PRKD1: variants seen among roughly 807,000 people sequenced by gnomAD.
PRKD1 encodes the protein protein kinase D1.
A neutral mutation model predicts 95.9 loss-of-function variants in PRKD1; 63 were observed. That is an observed-to-expected ratio of 0.66 (90% CI 0.54 to 0.81). The LOEUF (loss-of-function observed/expected upper bound fraction) is 0.81, where lower values mean the gene tolerates loss of function less well. Ranked by LOEUF, PRKD1 falls within the 30% of genes least tolerant of loss-of-function variation. PRKD1 has a pLI of 0.00. For synonymous variants in PRKD1, 425 were observed against 423.1 expected (o/e 1.00, Z -0.05); for missense variants, 1,048 against 1,165.3 (o/e 0.90, Z 1.47).
rs563148478 is a variant in PRKD1 at position 29,647,046 on chromosome 14, C to A, written c.697-8142G>T. ...AGCATAAATAAAATCTAATCAACAC[C>A]TTTTCACAACAGTGAAACGGTGGCT... is the stretch of plus-strand genomic sequence containing the variant. On this transcript the variant is annotated intron_variant, in intron 4 of 17. Coordinates refer to ENST00000331968, the MANE Select transcript of PRKD1 (RefSeq NM_002742.3). Among the ~76,000 whole-genome samples, 6 of 152,030 alleles carry A rather than the reference C, an allele frequency of 3.9e-5. No individual in the cohort carries two copies. The South Asian group carries it at 1.2e-3, about 32-fold the overall frequency.
Position 29,923,808 on chromosome 14 carries a change from A to AG in PRKD1, c.264+3440dup, listed in dbSNP as rs1226241118. Among the ~76,000 whole-genome samples the AG allele has an allele frequency of 6.5e-3, 897 of 138,718 alleles. 5 individuals are homozygous for AG. The highest frequency in any genetic ancestry group is 9.9e-3 in the Non-Finnish European group (653 of 65,798). 91.0% of individuals were successfully genotyped at this position (138,718 alleles called of 152,430 possible). A position where few individuals can be genotyped will look rare whatever the true frequency, so the allele number is the denominator to read the frequency against. ...CCTAAAGAGTAACACAGCTCATTTGAGGAAAAAAAAAAAAAAAAAAAAAGT... is the reference window on the plus strand; with the variant it reads ...CCTAAAGAGTAACACAGCTCATTTGAGGGAAAAAAAAAAAAAAAAAAAAAGT... On this transcript the variant is annotated intron_variant, in intron 1 of 17. Coordinates refer to ENST00000331968, the MANE Select transcript of PRKD1 (RefSeq NM_002742.3).
rs190196045 is a variant in PRKD1, at chr14:29,854,857, G to A, written c.264+72392C>T. 1.1e-3 allele frequency among the ~76,000 whole-genome samples: 169 copies of A among 152,270 alleles called. 1 individual carries two copies. The highest frequency in any genetic ancestry group is 3.9e-3 in the African/African-American group (164 of 41,558). On this transcript the variant is annotated intron_variant, in intron 1 of 17. Coordinates refer to ENST00000331968, the MANE Select transcript of PRKD1 (RefSeq NM_002742.3). ...GCCACTCCAGCCATGGCTCAAAGGG[G>A]CCAACAGGGAGCTTGGGCCGTGGCT...
chr14:29,876,406 TG>T (rs1047645561), intron 1 of PRKD1, among the ~76,000 whole-genome samples: 1 of 152,210 alleles, frequency 6.6e-6, no homozygotes, highest in African/African-American at 2.4e-5. Context: ...TATCCTGATT[TG>T]GGTGTATCCT....
intron 1 of PRKD1, among the ~76,000 whole-genome samples, chr14:29,750,810 T>C (rs1887447820): frequency 6.6e-6 from 1 of 152,146 alleles, no homozygotes; most frequent in Admixed American, 6.5e-5. Context: ...TTGAATGAAA[T>C]TATGTTATTT....
chr14:29,912,792 A>T (rs1003210270), intron 1 of PRKD1, among the ~76,000 whole-genome samples: 1 of 152,242 alleles, frequency 6.6e-6, no homozygotes, highest in Non-Finnish European at 1.5e-5. Context: ...ACTATGATAC[A>T]CAGTGTCACC....
intron 4 of PRKD1, chr14:29,657,343 T>C (rs1489023775): frequency 6.6e-6 from 1 of 152,234 alleles, no homozygotes; most frequent in Non-Finnish European, 1.5e-5. Context: ...AAATCAAAAC[T>C]ACAATATAGT....
chr14:29,580,912 G>C (rs1892735491), intron 16 of PRKD1, among the ~76,000 whole-genome samples: 1 of 151,572 alleles, frequency 6.6e-6, no homozygotes, highest in Non-Finnish European at 1.5e-5. Context: ...TAATGATCAA[G>C]CCCTGACCCC....
chr14:29,600,131 C>A (rs1893464755), intron 13 of PRKD1, among the ~76,000 whole-genome samples: 1 of 151,940 alleles, frequency 6.6e-6, no homozygotes. Context: ...TAGGATCATC[C>A]CCAATATTAA....
intron 1 of PRKD1, among the ~76,000 whole-genome samples, chr14:29,877,916 C>T (rs1893358567): frequency 6.6e-6 from 1 of 151,956 alleles, no homozygotes; most frequent in Admixed American, 6.5e-5. Context: ...TCATAAATGG[C>T]CGATTGGATG....
chr14:29,727,315 G>A (rs1454277955), intron 1 of PRKD1, among the ~76,000 whole-genome samples: 1 of 152,040 alleles, frequency 6.6e-6, no homozygotes, highest in Non-Finnish European at 1.5e-5. Context: ...AGATGAGTAG[G>A]TTGCGAAAAT....
At position 29,656,678 on chromosome 14, in the gene PRKD1, T is replaced by G. The variant is rs553441875; in HGVS notation, c.696+7021A>C. On this transcript the variant is annotated intron_variant, in intron 4 of 17. Coordinates refer to ENST00000331968, the MANE Select transcript of PRKD1 (RefSeq NM_002742.3). ...TAAACAGTCTTTATAACTACAGAGA[T>G]ATCTGAGTTGCAAACTACATTTAAT... is the stretch of plus-strand genomic sequence containing the variant. 8.5e-5 allele frequency among the ~76,000 whole-genome samples: 13 copies of G among 152,308 alleles called. No homozygotes were observed. In the South Asian group the frequency reaches 2.5e-3, roughly 29 times the overall value.
In PRKD1 at chr14:29,923,515, T is replaced by C. The variant is rs1439627892; in HGVS notation, c.264+3734A>G. Among the ~76,000 whole-genome samples the C allele has an allele frequency of 2.0e-5, 3 of 152,062 alleles. No individual in the cohort carries two copies. In the East Asian group the frequency reaches 5.8e-4, roughly 29 times the overall value. ...CATCACAACTATTAAGAAAACAATG[T>C]ATAATACAATTAAAGTGAAACAATT... On this transcript the variant is annotated intron_variant, in intron 1 of 17. Coordinates refer to ENST00000331968, the MANE Select transcript of PRKD1 (RefSeq NM_002742.3).
chr14:29,780,084 T>G (rs1013573859), intron 1 of PRKD1, among the ~76,000 whole-genome samples: 1 of 152,194 alleles, frequency 6.6e-6, no homozygotes, highest in Non-Finnish European at 1.5e-5. Flanking sequence ...TGGCTAGCCA[T>G]ATGTAGAAAG....
chr14:29,863,470 T>C (rs1892776967), intron 1 of PRKD1, among the ~76,000 whole-genome samples: 1 of 152,186 alleles, frequency 6.6e-6, no homozygotes. Flanking sequence ...TCGTCAACTC[T>C]AGTTTTTCCT....
intron 1 of PRKD1, among the ~76,000 whole-genome samples, chr14:29,858,893 G>T (rs1190397687): frequency 6.6e-6 from 1 of 152,090 alleles, no homozygotes; most frequent in Non-Finnish European, 1.5e-5. Flanking sequence ...GCACCTATAA[G>T]TGTCTGTAAG....
chr14:29,839,323 C>G (rs771658326), intron 1 of PRKD1, among the ~76,000 whole-genome samples: 7 of 152,182 alleles, frequency 4.6e-5, no homozygotes, highest in African/African-American at 1.7e-4. Context: ...GATCCTGAAG[C>G]ATTTCTTCAA....
chr14:29,726,479 G>A (rs965974638), intron 1 of PRKD1, among the ~76,000 whole-genome samples: 1 of 152,016 alleles, frequency 6.6e-6, no homozygotes, highest in Non-Finnish European at 1.5e-5. Flanking sequence ...TGCAAACTCA[G>A]GGAAAAAGAA....
intron 2 of PRKD1, among the ~76,000 whole-genome samples, chr14:29,714,741 A>C (rs2139365561): frequency 6.6e-6 from 1 of 152,334 alleles, no homozygotes; most frequent in South Asian, 2.1e-4. Context: ...GGATAAAGAA[A>C]ATGTGGCACA....
At chr14:29,610,059 T>A (rs1878347385) in intron 13 of PRKD1, among the ~76,000 whole-genome samples, 1 of 149,924 alleles carries the variant, frequency 6.7e-6, no homozygotes, top group African/African-American at 2.5e-5. Flanking sequence ...AAGCAACACT[T>A]ATAAATACTC....
Sources: allele counts gnomAD v4.1 joint callset (sites outside exome capture counted in the v4.1 genomes callset), GRCh38; gene constraint gnomAD v4.1.1; transcripts MANE v1.5; gene names NCBI Gene and HGNC (gene_info 2026-07-23, HGNC 2026-07-21).